Variants in DGKB observed in about 807,000 individuals in gnomAD.
DGKB encodes the protein 90 kDa diacylglycerol kinase.
A neutral mutation model predicts 114.3 loss-of-function variants in DGKB; 67 were observed. The ratio of observed to expected loss-of-function variants is 0.59; its 90% CI spans 0.48 to 0.72. The LOEUF is 0.72. DGKB is among the 30% of genes least tolerant of loss of function. The probability of loss-of-function intolerance (pLI) is 0.00; values close to 1 mark genes in which losing one functional copy is unlikely to be tolerated. For missense variants in DGKB, 907 were observed against 975.2 expected (o/e 0.93, Z 0.93); for synonymous variants, 398 against 323.1 (o/e 1.23, Z -2.49).
chr7:14,554,733 A>C (rs1795630804), intron 20 of DGKB, among the ~76,000 whole-genome samples: 1 of 152,130 alleles, frequency 6.6e-6, no homozygotes, highest in South Asian at 2.1e-4. Context: ...ATTTTGAACA[A>C]TTTGAAAGGC....
intron 17 of DGKB, among the ~76,000 whole-genome samples, chr7:14,605,368 A>G (rs1804294088): frequency 6.8e-6 from 1 of 147,722 alleles, no homozygotes; most frequent in Non-Finnish European, 1.5e-5. Flanking sequence ...TATATATACT[A>G]TATATATATA....
intron 20 of DGKB, among the ~76,000 whole-genome samples, chr7:14,565,822 C>T (rs1329951563): frequency 6.6e-6 from 1 of 152,038 alleles, no homozygotes. Flanking sequence ...TTGAAAACTT[C>T]CATGTCATTC....
intron 21 of DGKB, among the ~76,000 whole-genome samples, chr7:14,460,892 A>T (rs28768518): frequency 1.3e-5 from 2 of 151,688 alleles, no homozygotes; most frequent in Non-Finnish European, 2.9e-5. Context: ...AACGGAAATC[A>T]TAACAGTCTC....
intron 20 of DGKB, among the ~76,000 whole-genome samples, chr7:14,568,376 C>T (rs1030121391): frequency 1.3e-5 from 2 of 152,094 alleles, no homozygotes; most frequent in Non-Finnish European, 2.9e-5. Context: ...TCCCTTTCTA[C>T]CTAGGCAGAC....
At chr7:14,251,417 A>C (rs2128391119) in intron 23 of DGKB, among the ~76,000 whole-genome samples, 1 of 152,212 alleles carries the variant, frequency 6.6e-6, no homozygotes, top group African/African-American at 2.4e-5. Context: ...ATTTTATGTT[A>C]TTGATGTCAC....
rs536845309 is a variant in DGKB, at chr7:14,469,682, C to T, written c.1835+8479G>A. On this transcript the variant is annotated intron_variant, in intron 21 of 25. Coordinates refer to ENST00000402815, the MANE Select transcript of DGKB (RefSeq NM_001350709.2). ...CACACACAGTCCTGACTCATTTAAC[C>T]ATTCTCATTTCTACCTGCTCAGATC... Among the ~76,000 whole-genome samples, 12 of 152,070 alleles carry T rather than the reference C, an allele frequency of 7.9e-5. No individual in the cohort carries two copies. The East Asian group carries it at 1.4e-3, about 17-fold the overall frequency.
intron 21 of DGKB, among the ~76,000 whole-genome samples, chr7:14,423,006 T>C (rs547458701): frequency 2.4e-4 from 36 of 152,116 alleles, no homozygotes; most frequent in African/African-American, 7.7e-4. Context: ...TAGCTAACTA[T>C]TGGCAGTGCT....
At chr7:14,832,301 C>T (rs1846531807) in intron 2 of DGKB, among the ~76,000 whole-genome samples, 1 of 152,034 alleles carries the variant, frequency 6.6e-6, no homozygotes, top group East Asian at 1.9e-4. Flanking sequence ...GGATCACAAT[C>T]TTTTGTCACA....
chr7:14,913,960 C>T (rs909545867), intron 1 of DGKB, among the ~76,000 whole-genome samples: 1 of 152,070 alleles, frequency 6.6e-6, no homozygotes, highest in African/African-American at 2.4e-5. Context: ...GGAAAAAACA[C>T]TTGAGCAAGT....
intron 20 of DGKB, among the ~76,000 whole-genome samples, chr7:14,528,754 A>G (rs767782507): frequency 1.7e-4 from 26 of 152,116 alleles, no homozygotes; most frequent in Non-Finnish European, 3.1e-4. Flanking sequence ...TGAATGGGAT[A>G]TATCTTTCGC....
intron 2 of DGKB, among the ~76,000 whole-genome samples, chr7:14,804,067 T>TG (rs57126337): frequency 8.2e-6 from 1 of 122,366 alleles, no homozygotes; most frequent in African/African-American, 3.7e-5. Flanking sequence ...ACTTCACTTT[T>TG]TGGGTGTGTG....
intron 21 of DGKB, among the ~76,000 whole-genome samples, chr7:14,377,145 T>C (rs981452225): frequency 9.2e-5 from 14 of 152,220 alleles, no homozygotes; most frequent in African/African-American, 3.4e-4. Context: ...TATTCTGAGC[T>C]CTGTCTCAAG....
chr7:14,720,515 G>A (rs1037223866), intron 5 of DGKB, among the ~76,000 whole-genome samples: 1 of 138,158 alleles, frequency 7.2e-6, no homozygotes, highest in Non-Finnish European at 1.6e-5. Context: ...GTGTGTGTGT[G>A]TGTATGTTTA....
At position 14,577,533 on chromosome 7, in the gene DGKB, C is replaced by T. The variant is rs374357607; in HGVS notation, c.1610-3161G>A. ...TCGGGAGGCTGAGGCAGGAGAATGG[C>T]GTGAACCCGGGGGGCGGAGCCTGCA... On this transcript the variant is annotated intron_variant, in intron 19 of 25. Coordinates refer to ENST00000402815, the MANE Select transcript of DGKB (RefSeq NM_001350709.2). Among the ~76,000 whole-genome samples, 50 of 152,186 alleles carry T rather than the reference C, an allele frequency of 3.3e-4. 1 individual carries two copies. The highest frequency in any genetic ancestry group is 2.5e-3 in the East Asian group (13 of 5,148).
chr7:14,702,536 C>T lies in DGKB; in HGVS notation c.467-806G>A, dbSNP rs534509584. On this transcript the variant is annotated intron_variant, in intron 6 of 25. Coordinates refer to ENST00000402815, the MANE Select transcript of DGKB (RefSeq NM_001350709.2). Reference sequence around the variant, plus strand: ...GCAGATGACAGAGGTCCCTGATGGGCCTGAGGATTCCCTTGTATAATTCAC... The same window carrying T: ...GCAGATGACAGAGGTCCCTGATGGGTCTGAGGATTCCCTTGTATAATTCAC... Among the ~76,000 whole-genome samples the T allele has an allele frequency of 6.6e-5, 10 of 152,174 alleles. No homozygotes were observed. The South Asian group carries it at 1.0e-3, about 16-fold the overall frequency.
chr7:14,170,369 T>C (rs1400635067), intron 25 of DGKB, among the ~76,000 whole-genome samples: 2 of 152,124 alleles, frequency 1.3e-5, no homozygotes, highest in African/African-American at 4.8e-5. Context: ...GGGATTATAA[T>C]AACTTTACTG....
chr7:14,545,073 T>C (rs1343337632), intron 20 of DGKB, among the ~76,000 whole-genome samples: 1 of 152,136 alleles, frequency 6.6e-6, no homozygotes, highest in African/African-American at 2.4e-5. Context: ...GTCTTCAGCC[T>C]CCCTTTTTAT....
intron 25 of DGKB, among the ~76,000 whole-genome samples, chr7:14,157,557 T>G (rs1317621757): frequency 1.3e-5 from 2 of 152,144 alleles, no homozygotes; most frequent in African/African-American, 4.8e-5. Flanking sequence ...AGTTTAAATA[T>G]GTATGGAAAA....
intron 20 of DGKB, among the ~76,000 whole-genome samples, chr7:14,510,047 G>A (rs1787755995): frequency 6.6e-6 from 1 of 152,162 alleles, no homozygotes; most frequent in South Asian, 2.1e-4. Context: ...GTGGCGGCGG[G>A]CGCCTGTAGT....
Sources: gnomAD v4.1 joint callset for allele counts (sites outside exome capture counted in the v4.1 genomes callset) on GRCh38, gnomAD v4.1.1 for gene constraint, MANE v1.5 for transcripts, NCBI Gene and HGNC (gene_info 2026-07-23, HGNC 2026-07-21) for gene names.